KCNQ1: variants seen among roughly 807,000 people sequenced by gnomAD.
KCNQ1 encodes potassium voltage-gated channel subfamily KQT member 1.
In KCNQ1, 49 loss-of-function variants were observed where a neutral mutation model predicts 72.4. The ratio of observed to expected loss-of-function variants is 0.68; its 90% confidence interval spans 0.54 to 0.86. The LOEUF (loss-of-function observed/expected upper bound fraction) is 0.86. KCNQ1 is among the 40% of genes least tolerant of loss of function. KCNQ1 has a pLI of 0.00. For missense variants in KCNQ1, 790 were observed against 945.1 expected, an observed-to-expected ratio of 0.84 and a Z score of 2.15; for synonymous variants, 450 against 412.6, an observed-to-expected ratio of 1.09 and a Z score of -1.10.
intron 11 of KCNQ1, chr11:2,666,847 A>G: frequency 2.5e-6 from 1 of 398,726 alleles, no homozygotes; most frequent in Non-Finnish European, 4.4e-6. Flanking sequence ...AGTGTCCAGA[A>G]GGATGAGTGA....
intron 1 of KCNQ1, among the ~76,000 whole-genome samples, chr11:2,510,355 G>A (rs1847178874): frequency 6.6e-6 from 1 of 152,094 alleles, no homozygotes; most frequent in African/African-American, 2.4e-5. Context: ...CTCAGCATTT[G>A]GGGAGGCTGA....
At chr11:2,528,526 G>A (rs538970297) in intron 2 of KCNQ1, among the ~76,000 whole-genome samples, 1 of 152,348 alleles carries the variant, frequency 6.6e-6, no homozygotes, top group East Asian at 1.9e-4. Context: ...GGGCAGGGCA[G>A]GCTCATAGCC....
rs1422779098 is a variant in KCNQ1, at chr11:2,566,887, G to A, written c.478-3741G>A. Among the ~76,000 whole-genome samples, 7 of 151,720 alleles carry A rather than the reference G, an allele frequency of 4.6e-5. No homozygotes were observed. Among genetic ancestry groups the A allele is most frequent in the African/African-American group, 7.3e-5 (3 of 41,272 alleles). On this transcript the variant is annotated intron_variant, in intron 2 of 15. Transcript: ENST00000155840. The surrounding 1 kb of genome is among the most constrained non-coding windows in gnomAD (Gnocchi z 6.7). Reference sequence around the variant, plus strand: ...CAGTGGGGGAGTCAGGAAGTACCCCGGTTCTGTACCTGTAGTGGATGGGGC... The same window carrying A: ...CAGTGGGGGAGTCAGGAAGTACCCCAGTTCTGTACCTGTAGTGGATGGGGC...
intron 15 of KCNQ1, among the ~76,000 whole-genome samples, chr11:2,797,324 C>T (rs947794930): frequency 2.6e-5 from 4 of 152,010 alleles, no homozygotes; most frequent in Non-Finnish European, 5.9e-5. Flanking sequence ...GGTCACATCG[C>T]GAATGAGTCC....
intron 10 of KCNQ1, chr11:2,636,571 G>A (rs577437491): frequency 5.3e-5 from 8 of 152,212 alleles, no homozygotes; most frequent in Admixed American, 5.2e-4. Context: ...TTGATGTGCT[G>A]CTGGATTCGG....
rs896686682 is a variant in KCNQ1, at chr11:2,468,621, A to G, written c.386+23137A>G. 1.3e-5 allele frequency among the ~76,000 whole-genome samples: 2 copies of G among 152,070 alleles called. No individual in the cohort carries two copies. The highest frequency in any genetic ancestry group is 2.9e-5 in the Non-Finnish European group (2 of 68,024). On this transcript the variant is annotated intron_variant, in intron 1 of 15. Coordinates refer to ENST00000155840, the MANE Select transcript of KCNQ1 (RefSeq NM_000218.3). The surrounding 1 kb of genome is among the most constrained non-coding windows in gnomAD (Gnocchi z 5.7). ...ACCAGGCCACTGCTGCCCTACCATC[A>G]GGCACGATGGATGGGCTTGTGCCTT...
At chr11:2,633,795 G>A (rs1849404090) in intron 10 of KCNQ1, 1 of 398,376 alleles carries the variant, frequency 2.5e-6, no homozygotes, top group Non-Finnish European at 4.4e-6. Flanking sequence ...TTGCTTCCGA[G>A]ACCCCCTGTA....
intron 10 of KCNQ1, chr11:2,616,690 AT>A (rs1312674947): frequency 5.0e-6 from 2 of 398,020 alleles, no homozygotes; most frequent in Non-Finnish European, 8.9e-6. Context: ...GAATTTGTTA[AT>A]TTTTAGGTTT....
At position 2,817,404 on chromosome 11, in the gene KCNQ1, C is replaced by A. The variant is rs930508232; in HGVS notation, c.1795-30363C>A. Among the ~76,000 whole-genome samples the A allele has an allele frequency of 6.6e-6, 1 of 152,242 alleles. No homozygotes were observed. Among genetic ancestry groups the A allele is most frequent in the African/African-American group, 2.4e-5 (1 of 41,532 alleles). On this transcript the variant is annotated intron_variant, in intron 15 of 15. Transcript: ENST00000155840. This position sits in a 1 kb window ranked among gnomAD's most constrained non-coding sequence, Gnocchi z 6.1. Reference sequence around the variant, plus strand: ...CACACCAGTGCCCCCTGACCCCCAGCCTTGTGCAGACACTGATACCCTTAG... The same window carrying A: ...CACACCAGTGCCCCCTGACCCCCAGACTTGTGCAGACACTGATACCCTTAG...
At chr11:2,558,800 C>T (rs548678816) in intron 2 of KCNQ1, among the ~76,000 whole-genome samples, 1 of 152,304 alleles carries the variant, frequency 6.6e-6, no homozygotes, top group African/African-American at 2.4e-5. Flanking sequence ...CATGGGTGGG[C>T]AGCCTTCATG....
In KCNQ1 at chr11:2,769,548, C is replaced by T. The variant is rs574503260; in HGVS notation, c.1590+629C>T. Among the ~76,000 whole-genome samples, 2 of 152,320 alleles carry T rather than the reference C, an allele frequency of 1.3e-5. No homozygotes were observed. The highest frequency in any genetic ancestry group is 1.3e-4 in the Admixed American group (2 of 15,306). ...CTTAGAGCCCCCAGAGTCCATGCCC[C>T]GCAGAGAATGCCATTGATGGCAGGC... On this transcript the variant is annotated intron_variant, in intron 12 of 15. Coordinates refer to ENST00000155840, the MANE Select transcript of KCNQ1 (RefSeq NM_000218.3). The surrounding 1 kb of genome is among the most constrained non-coding windows in gnomAD (Gnocchi z 4.6).
chr11:2,497,876 G>A lies in KCNQ1; in HGVS notation c.387-30052G>A, dbSNP rs563372830. ...TGTGTGGGGGGTCCCTTTTGTTGATGTTGATTTTGTTGCTTTCTGTTTGCT... is the reference window on the plus strand; with the variant it reads ...TGTGTGGGGGGTCCCTTTTGTTGATATTGATTTTGTTGCTTTCTGTTTGCT... On this transcript the variant is annotated intron_variant, in intron 1 of 15. Transcript: ENST00000155840. This position sits in a 1 kb window ranked among gnomAD's most constrained non-coding sequence, Gnocchi z 4.5. Among the ~76,000 whole-genome samples, 1 of 152,278 alleles carries A rather than the reference G, an allele frequency of 6.6e-6. No homozygotes were observed. Among genetic ancestry groups the A allele is most frequent in the South Asian group, 2.1e-4 (1 of 4,820 alleles).
Position 2,769,568 on chromosome 11 carries a change from G to C in KCNQ1, c.1590+649G>C, listed in dbSNP as rs541884725. Among the ~76,000 whole-genome samples the C allele has an allele frequency of 6.6e-6, 1 of 152,352 alleles. No homozygotes were observed. The highest frequency in any genetic ancestry group is 1.9e-4 in the East Asian group (1 of 5,174). ...TGCCCCGCAGAGAATGCCATTGATG[G>C]CAGGCATGTCTCCCCTCCTGCCTTG... On this transcript the variant is annotated intron_variant, in intron 12 of 15. Transcript: ENST00000155840. The surrounding 1 kb of genome is among the most constrained non-coding windows in gnomAD (Gnocchi z 4.6).
chr11:2,700,332 G>C (rs1361532792), intron 11 of KCNQ1, among the ~76,000 whole-genome samples: 1 of 152,144 alleles, frequency 6.6e-6, no homozygotes, highest in Non-Finnish European at 1.5e-5. Flanking sequence ...CATCGCCGGG[G>C]TGAGCTGGAG....
chr11:2,519,773 G>C (rs74048656), intron 1 of KCNQ1, among the ~76,000 whole-genome samples: 2 of 92,350 alleles, frequency 2.2e-5, no homozygotes, highest in Non-Finnish European at 4.5e-5. Flanking sequence ...GCAGGTGTTG[G>C]CCCCCCCCCA....
In KCNQ1 at chr11:2,750,929, A is replaced by C. The variant is rs1350800053; in HGVS notation, c.1515-17915A>C. 6.6e-6 allele frequency among the ~76,000 whole-genome samples: 1 copy of C among 151,750 alleles called. No homozygotes were observed. On this transcript the variant is annotated intron_variant, in intron 11 of 15. Transcript: ENST00000155840. The surrounding 1 kb of genome is among the most constrained non-coding windows in gnomAD (Gnocchi z 6.3). ...GGGTCCTCCCCAGCTGCCTGCCTACACCCCAACCTCGAGGCTCTTTACCTC... is the reference window on the plus strand; with the variant it reads ...GGGTCCTCCCCAGCTGCCTGCCTACCCCCCAACCTCGAGGCTCTTTACCTC...
chr11:2,688,768 A>C, intron 11 of KCNQ1: 1 of 398,828 alleles, frequency 2.5e-6, no homozygotes, highest in East Asian at 3.6e-5. Context: ...GTTTCCACCT[A>C]TACCACACCT....
chr11:2,732,713 G>A (rs1354535427), intron 11 of KCNQ1, among the ~76,000 whole-genome samples: 6 of 152,192 alleles, frequency 3.9e-5, no homozygotes, highest in African/African-American at 9.6e-5. Context: ...CTTCCTCACC[G>A]GGCCGGCGCA....
chr11:2,572,861 C>T lies in KCNQ1; in HGVS notation c.796C>T (p.Leu266=). ...FIHRQELITT[L]YIGFLGLIFS... is the part of the protein sequence containing the mutation. ...TCTGGCCTAGGAGCTGATAACCACC[C>T]TGTACATCGGCTTCCTGGGCCTCAT... The change falls in exon 6 of 16, where the codon CTG becomes TTG. Residue 266 remains leucine, a synonymous_variant. Transcript: ENST00000155840. 6.2e-7 allele frequency: 1 copy of T among 1,613,864 alleles called. No homozygotes were observed. The highest frequency in any genetic ancestry group is 8.5e-7 in the Non-Finnish European group (1 of 1,180,028).
Sources: gnomAD v4.1 joint callset for allele counts (sites outside exome capture counted in the v4.1 genomes callset) on GRCh38, gnomAD v4.1.1 for gene constraint, Gnocchi (gnomAD v3.1) non-coding constraint, MANE v1.5 for transcripts, NCBI Gene and HGNC (gene_info 2026-07-23, HGNC 2026-07-21) for gene names.